The following ATP10A variants were observed in gnomAD, a reference collection of about 807,000 sequenced individuals.
The protein encoded by ATP10A is ATPase phospholipid transporting 10A (putative), also known as phospholipid-transporting ATPase VA.
Under a neutral mutation model 147.8 loss-of-function variants are expected in ATP10A, and 111 were observed. That is an observed-to-expected ratio of 0.75 (90% CI 0.64 to 0.88). The LOEUF (loss-of-function observed/expected upper bound fraction) is 0.88. Ranked by LOEUF, ATP10A falls within the 40% of genes least tolerant of loss-of-function variation. The pLI is 0.00. For missense variants in ATP10A, 1,927 were observed against 1,959.0 expected, an observed-to-expected ratio of 0.98 and a Z score of 0.31; for synonymous variants, 875 against 841.6, an observed-to-expected ratio of 1.04 and a Z score of -0.69.
intron 2 of ATP10A, among the ~76,000 whole-genome samples, chr15:25,779,961 C>G (rs960222763): frequency 1.3e-5 from 2 of 152,050 alleles, no homozygotes; most frequent in Non-Finnish European, 2.9e-5. Context: ...GCAGGCCGGG[C>G]GGGCGAGGTG....
At position 25,683,265 on chromosome 15, in the gene ATP10A, G is replaced by A. The variant is rs150276426; in HGVS notation, c.3492+21C>T. 3.9e-5 allele frequency: 62 copies of A among 1,610,298 alleles called. No homozygotes were observed. In the East Asian group the frequency reaches 7.8e-4, roughly 20 times the overall value. Reference sequence around the variant, plus strand: ...GGGCAGAGCTCAGGAGGTGGAAGGCGGAGACTCGGGGGAGCTTTACCTCCA... The same window carrying A: ...GGGCAGAGCTCAGGAGGTGGAAGGCAGAGACTCGGGGGAGCTTTACCTCCA... On this transcript the variant is annotated intron_variant, in intron 17 of 20. Coordinates refer to ENST00000555815, the MANE Select transcript of ATP10A (RefSeq NM_024490.4).
chr15:25,680,015 T>C (rs777186093), intron 20 of ATP10A, 41 bp from the exon 21 acceptor site: 2 of 1,582,772 alleles, frequency 1.3e-6, no homozygotes, highest in African/African-American at 2.7e-5. Flanking sequence ...GATATTCCTG[T>C]CGGTGGTGTC....
chr15:25,820,271 C>T (rs1435344242), intron 1 of ATP10A, among the ~76,000 whole-genome samples: 1 of 152,050 alleles, frequency 6.6e-6, no homozygotes, highest in Non-Finnish European at 1.5e-5. Flanking sequence ...GAAGGTAGGT[C>T]CATTCACCAT....
intron 1 of ATP10A, among the ~76,000 whole-genome samples, chr15:25,846,231 G>A (rs1893020002): frequency 6.6e-6 from 1 of 152,162 alleles, no homozygotes; most frequent in Non-Finnish European, 1.5e-5. Context: ...GAGGAGGGCG[G>A]CGGTGATGCT....
At chr15:25,783,154 T>G (rs1468411988) in intron 1 of ATP10A, among the ~76,000 whole-genome samples, 1 of 152,112 alleles carries the variant, frequency 6.6e-6, no homozygotes, top group Admixed American at 6.5e-5. Context: ...CCAGCCTGGG[T>G]GACAGAGGCC....
intron 3 of ATP10A, 52 bp downstream of exon 3, chr15:25,736,004 C>T: frequency 5.7e-6 from 8 of 1,404,192 alleles, no homozygotes; most frequent in Non-Finnish European, 8.1e-6. Flanking sequence ...AAACACCTGC[C>T]TATGTAGTTA....
chr15:25,859,154 G>A (rs1445049166), intron 1 of ATP10A, among the ~76,000 whole-genome samples: 1 of 152,160 alleles, frequency 6.6e-6, no homozygotes, highest in Non-Finnish European at 1.5e-5. Context: ...CCCAGCCTGG[G>A]CTGAGTCCCT....
At chr15:25,761,949 G>A (rs1024272955) in intron 2 of ATP10A, among the ~76,000 whole-genome samples, 2 of 152,110 alleles carry the variant, frequency 1.3e-5, no homozygotes, top group Non-Finnish European at 2.9e-5. Context: ...TGGGTAGGGT[G>A]GAATGATATG....
chr15:25,765,655 C>T (rs1289690749), intron 2 of ATP10A, among the ~76,000 whole-genome samples: 1 of 152,232 alleles, frequency 6.6e-6, no homozygotes, highest in Non-Finnish European at 1.5e-5. Context: ...CAGCCCTGGA[C>T]AGCCAATTCT....
intron 3 of ATP10A, among the ~76,000 whole-genome samples, chr15:25,728,572 C>T (rs1197664367): frequency 6.6e-6 from 1 of 152,176 alleles, no homozygotes; most frequent in Non-Finnish European, 1.5e-5. Context: ...GAGGACACCC[C>T]CTATCACGTG....
chr15:25,841,132 A>G (rs1892794129), intron 1 of ATP10A, among the ~76,000 whole-genome samples: 1 of 152,210 alleles, frequency 6.6e-6, no homozygotes, highest in African/African-American at 2.4e-5. Flanking sequence ...GCAAAGGATA[A>G]TGCTTTTGGT....
chr15:25,766,761 G>C lies in ATP10A; in HGVS notation c.654+14258C>G, dbSNP rs1437123285. Among the ~76,000 whole-genome samples the C allele has an allele frequency of 2.6e-5, 4 of 152,012 alleles. No individual in the cohort carries two copies. In the South Asian group the frequency reaches 6.2e-4, roughly 24 times the overall value. Reference sequence around the variant, plus strand: ...TCTGTGCCGCCTGCAAGCGCTCCTCGGGCCTCAGCAAAACATCCTAGAACA... The same window carrying C: ...TCTGTGCCGCCTGCAAGCGCTCCTCCGGCCTCAGCAAAACATCCTAGAACA... On this transcript the variant is annotated intron_variant, in intron 2 of 20. Coordinates refer to ENST00000555815, the MANE Select transcript of ATP10A (RefSeq NM_024490.4).
At chr15:25,840,056 T>A (rs772533162) in intron 1 of ATP10A, among the ~76,000 whole-genome samples, 2 of 152,162 alleles carry the variant, frequency 1.3e-5, no homozygotes, top group Non-Finnish European at 2.9e-5. Flanking sequence ...CACCCCCTCC[T>A]GCATCCCTAA....
chr15:25,836,922 C>G (rs1324569711), intron 1 of ATP10A, among the ~76,000 whole-genome samples: 1 of 152,198 alleles, frequency 6.6e-6, no homozygotes, highest in Non-Finnish European at 1.5e-5. Context: ...GGTCCACACA[C>G]CACCTGCCAT....
chr15:25,691,636 CG>C, intron 15 of ATP10A, 78 bp downstream of exon 15: 1 of 1,445,978 alleles, frequency 6.9e-7, no homozygotes, highest in Non-Finnish European at 9.7e-7. Flanking sequence ...CAGAGGAAGT[CG>C]GGGACAGCCC....
intron 1 of ATP10A, among the ~76,000 whole-genome samples, chr15:25,824,723 TG>T (rs143518082): frequency 0.16 from 24,270 of 152,072 alleles, 2,118 homozygotes; most frequent in Middle Eastern, 0.3. Context: ...TTCAGGTCTC[TG>T]AAAATTAATC....
In ATP10A at chr15:25,699,927, AG is replaced by A. The variant is rs567897397; in HGVS notation, c.2760+1988del. 6.6e-5 allele frequency among the ~76,000 whole-genome samples: 10 copies of A among 152,264 alleles called. No homozygotes were observed. The South Asian group carries it at 1.7e-3, about 25-fold the overall frequency. ...AGAATAAAAATTTATCAAAACTAAA[AG>A]CTTTTGTGAAAGACAATATTAAAAA... On this transcript the variant is annotated intron_variant, in intron 13 of 20. Transcript: ENST00000555815.
chr15:25,824,475 A>G (rs1892023664), intron 1 of ATP10A, among the ~76,000 whole-genome samples: 1 of 149,130 alleles, frequency 6.7e-6, no homozygotes, highest in South Asian at 2.1e-4. Flanking sequence ...CCCTGTCTCA[A>G]AAAAAAAAAA....
Position 25,713,734 on chromosome 15 carries a change from T to G in ATP10A, c.2284A>C (p.Asn762His), listed in dbSNP as rs1389823950. Residue 762 changes from asparagine to histidine, a missense_variant, in exon 10 of 21, where the codon AAC becomes CAC. Physicochemically the swap from Asn to His is moderately conservative, Grantham distance 68. Coordinates refer to ENST00000555815, the MANE Select transcript of ATP10A (RefSeq NM_024490.4). ...VIRHPLTDEI[N>H]VYTKGADSVV... ...GAGTCGGCCCCCTTGGTGTAGACGT[T>G]GATCTCATCGGTAAGCGGGTGCCGG... The G allele has an allele frequency of 6.2e-7, 1 of 1,614,108 alleles. No homozygotes were observed. Among genetic ancestry groups the G allele is most frequent in the South Asian group, 1.1e-5 (1 of 91,088 alleles).
Sources: allele counts gnomAD v4.1 joint callset (sites outside exome capture counted in the v4.1 genomes callset), GRCh38; gene constraint gnomAD v4.1.1; transcripts MANE v1.5; gene names NCBI Gene and HGNC (gene_info 2026-07-23, HGNC 2026-07-21).